NKAIN3: variants seen among roughly 807,000 people sequenced by gnomAD.
NKAIN3 encodes the protein sodium/potassium-transporting ATPase subunit beta-1-interacting protein 3.
Under a neutral mutation model 30.2 loss-of-function variants are expected in NKAIN3, and 25 were observed. That is an observed-to-expected ratio of 0.83 (90% CI 0.60 to 1.16). NKAIN3 has a LOEUF of 1.16. NKAIN3 is among the 50% of genes most tolerant of loss of function. NKAIN3 has a pLI of 0.00. For synonymous variants in NKAIN3, 91 were observed against 89.6 expected, an observed-to-expected ratio of 1.02 and a Z score of -0.09; for missense variants, 225 against 254.1, an observed-to-expected ratio of 0.89 and a Z score of 0.78.
rs557815726 is a variant in NKAIN3 at position 62,857,698 on chromosome 8, T to C, written c.472-60755T>C. Among the ~76,000 whole-genome samples, 5 of 152,352 alleles carry C rather than the reference T, an allele frequency of 3.3e-5. No homozygotes were observed. The East Asian group carries it at 9.6e-4, about 29-fold the overall frequency. ...TATACTGTGTTTTTCAGTTCTATCA[T>C]GTTCCTCTCTAAACTTGCTATTTTG... On this transcript the variant is annotated intron_variant, in intron 4 of 6. Transcript: ENST00000623646.
chr8:62,551,052 C>T (rs888837924), intron 1 of NKAIN3, among the ~76,000 whole-genome samples: 9 of 152,080 alleles, frequency 5.9e-5, no homozygotes, highest in Admixed American at 3.9e-4. Context: ...CACACTTAGG[C>T]CTTGAAGCAG....
chr8:62,433,211 C>T (rs1456272359), intron 1 of NKAIN3, among the ~76,000 whole-genome samples: 2 of 151,888 alleles, frequency 1.3e-5, no homozygotes, highest in African/African-American at 4.8e-5. Flanking sequence ...TGCTAAATTC[C>T]AAATCTCAGG....
chr8:62,993,510 C>T (rs186150796), intron 5 of NKAIN3, among the ~76,000 whole-genome samples: 21 of 152,188 alleles, frequency 1.4e-4, no homozygotes, highest in Middle Eastern at 3.4e-3. Flanking sequence ...TAAATAATGC[C>T]ACCACAACAT....
intron 1 of NKAIN3, among the ~76,000 whole-genome samples, chr8:62,572,398 A>C (rs1432805181): frequency 6.6e-6 from 1 of 152,136 alleles, no homozygotes; most frequent in African/African-American, 2.4e-5. Context: ...GGAAATTCCA[A>C]ACTTTCCTAC....
intron 4 of NKAIN3, among the ~76,000 whole-genome samples, chr8:62,800,556 AG>A (rs1463505407): frequency 6.6e-6 from 1 of 152,192 alleles, no homozygotes; most frequent in African/African-American, 2.4e-5. Flanking sequence ...TGCACCTTCC[AG>A]GGATTTTCTC....
At chr8:62,939,429 A>T (rs564520128) in intron 5 of NKAIN3, among the ~76,000 whole-genome samples, 1 of 152,342 alleles carries the variant, frequency 6.6e-6, no homozygotes, top group South Asian at 2.1e-4. Flanking sequence ...CTGCAGAAAG[A>T]TAATTGCCTA....
intron 1 of NKAIN3, among the ~76,000 whole-genome samples, chr8:62,379,707 A>G (rs997516575): frequency 2.0e-5 from 3 of 152,154 alleles, no homozygotes; most frequent in Admixed American, 6.5e-5. Flanking sequence ...GCTATGCAGA[A>G]CTGTGAATCA....
chr8:62,439,900 G>A (rs1457455229), intron 1 of NKAIN3, among the ~76,000 whole-genome samples: 1 of 152,114 alleles, frequency 6.6e-6, no homozygotes, highest in African/African-American at 2.4e-5. Context: ...TTCAATTATG[G>A]TTTGTTGTTG....
chr8:62,404,870 G>A (rs1338067766), intron 1 of NKAIN3, among the ~76,000 whole-genome samples: 6 of 152,164 alleles, frequency 3.9e-5, no homozygotes, highest in East Asian at 1.9e-4. Context: ...AGGTCACACC[G>A]AAAGCAAGCA....
intron 1 of NKAIN3, among the ~76,000 whole-genome samples, chr8:62,323,336 T>C (rs116347350): frequency 6.6e-6 from 1 of 152,298 alleles, no homozygotes; most frequent in African/African-American, 2.4e-5. Flanking sequence ...AGGAGTAATA[T>C]TACAATGGGA....
At chr8:62,556,847 C>T (rs1809413328) in intron 1 of NKAIN3, among the ~76,000 whole-genome samples, 1 of 151,962 alleles carries the variant, frequency 6.6e-6, no homozygotes, top group African/African-American at 2.4e-5. Context: ...ACTATTTTAA[C>T]ACACATGGTT....
Position 62,971,095 on chromosome 8 carries a change from C to T in NKAIN3, c.*5688C>T, listed in dbSNP as rs988545540. Among the ~76,000 whole-genome samples the T allele has an allele frequency of 8.5e-5, 13 of 152,180 alleles. No homozygotes were observed. The highest frequency in any genetic ancestry group is 3.1e-4 in the African/African-American group (13 of 41,512). On this transcript the variant is annotated 3_prime_UTR_variant, in exon 7 of 7. Transcript: ENST00000623646. ...CTCTCATTGCTTCATCCTCTGTGGC[C>T]GCCATTTTTAAGACCATAACATGAC...
chr8:62,996,473 GC>G (rs1362605054), intron 5 of NKAIN3, among the ~76,000 whole-genome samples: 1 of 152,080 alleles, frequency 6.6e-6, no homozygotes, highest in Non-Finnish European at 1.5e-5. Context: ...ATATCATTCT[GC>G]CCTGGCCCCT....
intron 1 of NKAIN3, among the ~76,000 whole-genome samples, chr8:62,420,805 A>G (rs577116222): frequency 5.9e-4 from 90 of 152,332 alleles, no homozygotes; most frequent in Admixed American, 2.3e-3. Flanking sequence ...CACAAATCAT[A>G]AATTAGTTTA....
chr8:62,654,461 C>T (rs1042123600), intron 3 of NKAIN3, among the ~76,000 whole-genome samples: 13 of 152,058 alleles, frequency 8.5e-5, no homozygotes, highest in Non-Finnish European at 1.2e-4. Flanking sequence ...ACTGTCGGCA[C>T]ATCACTGTGA....
At chr8:62,308,008 A>T (rs561950044) in intron 1 of NKAIN3, among the ~76,000 whole-genome samples, 1 of 150,418 alleles carries the variant, frequency 6.6e-6, no homozygotes, top group East Asian at 1.9e-4. Flanking sequence ...CAAACTCAGG[A>T]CACTACAGTG....
intron 1 of NKAIN3, among the ~76,000 whole-genome samples, chr8:62,440,538 C>T (rs1802854187): frequency 6.6e-6 from 1 of 152,056 alleles, no homozygotes; most frequent in South Asian, 2.1e-4. Context: ...CCTTCATTGC[C>T]ATTATATGTC....
At chr8:62,582,038 A>C (rs1204933687) in intron 2 of NKAIN3, among the ~76,000 whole-genome samples, 11 of 74,512 alleles carry the variant, frequency 1.5e-4, no homozygotes, top group African/African-American at 3.6e-4. Flanking sequence ...CCTCCCACCC[A>C]TCCTCACTCC....
At chr8:62,941,076 A>T (rs1822942601) in intron 5 of NKAIN3, among the ~76,000 whole-genome samples, 1 of 152,090 alleles carries the variant, frequency 6.6e-6, no homozygotes, top group Admixed American at 6.6e-5. Flanking sequence ...GAGAGATATT[A>T]CAAAGAATAA....
Sources: gnomAD v4.1 joint callset for allele counts (sites outside exome capture counted in the v4.1 genomes callset) on GRCh38, gnomAD v4.1.1 for gene constraint, MANE v1.5 for transcripts, NCBI Gene and HGNC (gene_info 2026-07-23, HGNC 2026-07-21) for gene names.